The following RASGEF1C variants were observed in gnomAD, a reference collection of about 807,000 sequenced individuals.
The protein encoded by RASGEF1C is RasGEF domain family member 1C.
A neutral mutation model predicts 58.1 loss-of-function variants in RASGEF1C; 27 were observed. The observed-to-expected ratio is 0.46, with a 90% confidence interval of 0.34 to 0.64. The LOEUF is 0.64. Among genes scored for constraint, RASGEF1C ranks in the 30% least tolerant of loss-of-function variants. The probability of loss-of-function intolerance (pLI) is 0.01; values close to 1 mark genes in which losing one functional copy is unlikely to be tolerated. For missense variants in RASGEF1C, 502 were observed against 605.1 expected (o/e 0.83, Z 1.79); for synonymous variants, 243 against 246.3 (o/e 0.99, Z 0.13).
At chr5:180,181,765 T>G (rs1767332481) in intron 1 of RASGEF1C, among the ~76,000 whole-genome samples, 1 of 152,166 alleles carries the variant, frequency 6.6e-6, no homozygotes, top group African/African-American at 2.4e-5. Context: ...GACACTTTGT[T>G]AAGGCAGCCC....
In RASGEF1C at chr5:180,103,447, G is replaced by A. The variant is rs80169507; in HGVS notation, c.1304-1304C>T. Among the ~76,000 whole-genome samples the A allele has an allele frequency of 2.6e-5, 4 of 152,164 alleles. No homozygotes were observed. The East Asian group carries it at 5.8e-4, about 22-fold the overall frequency. On this transcript the variant is annotated intron_variant, in intron 12 of 13. Transcript: ENST00000361132. ...CCATTTCCACCTACATATTTCATGT[G>A]AGTGACTGTAAATGGTATTATCATT...
At chr5:180,160,195 C>T (rs946660659) in intron 1 of RASGEF1C, among the ~76,000 whole-genome samples, 2 of 152,148 alleles carry the variant, frequency 1.3e-5, no homozygotes, top group African/African-American at 4.8e-5. Context: ...CTCAGTAGAG[C>T]GCCCCTCCCA....
At chr5:180,104,046 A>G (rs764454747) in intron 12 of RASGEF1C, among the ~76,000 whole-genome samples, 3 of 152,078 alleles carry the variant, frequency 2.0e-5, no homozygotes, top group Non-Finnish European at 2.9e-5. Flanking sequence ...ACGTATAATT[A>G]TTTTTACATA....
chr5:180,167,646 T>G (rs1223693523), intron 1 of RASGEF1C, among the ~76,000 whole-genome samples: 1 of 152,254 alleles, frequency 6.6e-6, no homozygotes, highest in African/African-American at 2.4e-5. Flanking sequence ...CCTTACTTGA[T>G]GTAGCATTTT....
chr5:180,197,609 T>A lies in RASGEF1C; in HGVS notation c.-7+11419A>T, dbSNP rs951879341. On this transcript the variant is annotated intron_variant, in intron 1 of 13. Transcript: ENST00000361132. The surrounding 1 kb of genome is among the most constrained non-coding windows in gnomAD (Gnocchi z 4.7). The stretch of plus-strand genomic sequence containing the variant: ...GGCTGAGCTCAAGGCCCACACTGGC[T>A]GCATGGCCCTGGGATGTCCCCTTGT... Among the ~76,000 whole-genome samples the A allele has an allele frequency of 6.6e-5, 10 of 152,176 alleles. No individual in the cohort carries two copies. The highest frequency in any genetic ancestry group is 1.0e-4 in the Non-Finnish European group (7 of 68,024).
chr5:180,131,907 A>G (rs1021826126), intron 4 of RASGEF1C, among the ~76,000 whole-genome samples: 1 of 152,170 alleles, frequency 6.6e-6, no homozygotes, highest in Non-Finnish European at 1.5e-5. Flanking sequence ...CGATTTTTCC[A>G]GTGATGTTAG....
intron 1 of RASGEF1C, among the ~76,000 whole-genome samples, chr5:180,185,545 A>G (rs1261229037): frequency 1.3e-5 from 2 of 152,174 alleles, no homozygotes; most frequent in Non-Finnish European, 2.9e-5. Flanking sequence ...AGATTGTGCC[A>G]TTGCACTCCA....
At chr5:180,151,386 C>G (rs896841093) in intron 1 of RASGEF1C, among the ~76,000 whole-genome samples, 2 of 152,158 alleles carry the variant, frequency 1.3e-5, no homozygotes, top group African/African-American at 4.8e-5. Flanking sequence ...ACCAATGGAA[C>G]AGAACAGAGC....
At chr5:180,114,325 G>A in intron 11 of RASGEF1C, 121 bp downstream of exon 11, 1 of 889,808 alleles carries the variant, frequency 1.1e-6, no homozygotes, top group Non-Finnish European at 1.7e-6. Flanking sequence ...AAGGTCGGCT[G>A]TGAACTGCTC....
chr5:180,170,221 C>T (rs1335945626), intron 1 of RASGEF1C, among the ~76,000 whole-genome samples: 1 of 152,188 alleles, frequency 6.6e-6, no homozygotes, highest in Non-Finnish European at 1.5e-5. Flanking sequence ...GGGGACCAAG[C>T]CGGGCAGCAG....
At chr5:180,129,614 A>C (rs1766328288) in intron 4 of RASGEF1C, among the ~76,000 whole-genome samples, 1 of 152,182 alleles carries the variant, frequency 6.6e-6, no homozygotes, top group Admixed American at 6.5e-5. Flanking sequence ...AATCGCATGA[A>C]GGAAAACTCC....
At chr5:180,194,841 G>A (rs895412476) in intron 1 of RASGEF1C, among the ~76,000 whole-genome samples, 1 of 152,246 alleles carries the variant, frequency 6.6e-6, no homozygotes, top group African/African-American at 2.4e-5. Context: ...GTGCAGTGGC[G>A]GTGGCCAGGG....
At chr5:180,104,803 T>C (rs1765848246) in intron 12 of RASGEF1C, among the ~76,000 whole-genome samples, 1 of 152,238 alleles carries the variant, frequency 6.6e-6, no homozygotes, top group African/African-American at 2.4e-5. Context: ...CAAGTTGTGG[T>C]AATTTGTGCT....
At chr5:180,131,130 G>C (rs752246850) in intron 4 of RASGEF1C, among the ~76,000 whole-genome samples, 1 of 152,052 alleles carries the variant, frequency 6.6e-6, no homozygotes, top group Admixed American at 6.6e-5. Flanking sequence ...ATGCATCCAC[G>C]CCGGTTTCTC....
chr5:180,106,301 C>T (rs991850537), intron 12 of RASGEF1C, among the ~76,000 whole-genome samples: 2 of 152,156 alleles, frequency 1.3e-5, no homozygotes, highest in Admixed American at 1.3e-4. Context: ...TTGATTTCTG[C>T]TCTTATTTCC....
intron 1 of RASGEF1C, among the ~76,000 whole-genome samples, chr5:180,199,704 CTCCT>C (rs557568684): frequency 2.7e-5 from 4 of 150,896 alleles, no homozygotes; most frequent in South Asian, 2.1e-4. Context: ...CCCTCCCTCC[CTCCT>C]TCCTTCCTTC....
At chr5:180,173,894 C>G (rs1767164643) in intron 1 of RASGEF1C, among the ~76,000 whole-genome samples, 2 of 138,354 alleles carry the variant, frequency 1.4e-5, no homozygotes, top group African/African-American at 2.7e-5. Context: ...GCCTGGGCAA[C>G]AGAGCGAGAC....
intron 1 of RASGEF1C, among the ~76,000 whole-genome samples, chr5:180,138,587 GCA>G (rs1766527082): frequency 6.6e-6 from 1 of 152,174 alleles, no homozygotes; most frequent in African/African-American, 2.4e-5. Context: ...ACATTCCTGA[GCA>G]CAGTGTCGCT....
intron 7 of RASGEF1C, 31 bp from the exon 8 acceptor site, chr5:180,119,479 G>C: frequency 6.4e-7 from 1 of 1,553,506 alleles, no homozygotes. Context: ...CCTCAGTGGT[G>C]ACACGCCTCC....
Sources: allele counts gnomAD v4.1 joint callset (sites outside exome capture counted in the v4.1 genomes callset), GRCh38; gene constraint gnomAD v4.1.1; non-coding constraint Gnocchi (gnomAD v3.1); transcripts MANE v1.5; gene names NCBI Gene and HGNC (gene_info 2026-07-23, HGNC 2026-07-21).